Variants in NR1I2 observed in about 807,000 individuals in gnomAD.
NR1I2 encodes nuclear receptor subfamily 1 group I member 2, also known as orphan nuclear receptor PAR1.
A neutral mutation model predicts 43.3 loss-of-function variants in NR1I2; 42 were observed. The observed-to-expected ratio is 0.97, with a 90% CI of 0.76 to 1.26. The LOEUF (loss-of-function observed/expected upper bound fraction) is 1.26, where lower values mean the gene tolerates loss of function less well. NR1I2 is among the 50% of genes most tolerant of loss of function. The probability of loss-of-function intolerance (pLI) is 0.00; values close to 1 mark genes in which losing one functional copy is unlikely to be tolerated. For synonymous variants in NR1I2, 229 were observed against 215.0 expected (o/e 1.06, Z -0.57); for missense variants, 559 against 566.7 (o/e 0.99, Z 0.14).
In NR1I2 at chr3:119,812,772, C is replaced by T. The variant is rs1327137748; in HGVS notation, c.606C>T (p.Val202=). 3 of 1,614,080 alleles carry T rather than the reference C, an allele frequency of 1.9e-6. No homozygotes were observed. The highest frequency in any genetic ancestry group is 1.3e-5 in the African/African-American group (1 of 74,928). Residue 202 remains valine (V), a synonymous_variant, in exon 5 of 9, where the codon GTC becomes GTT. Transcript: ENST00000393716. The stretch of plus-strand genomic sequence containing the variant: ...AAGAAGCTGCCAAGTGGAGCCAGGT[C>T]CGGAAAGATCTGTGCTCTTTGAAGG...
chr3:119,796,452 T>G (rs1408701470), intron 1 of NR1I2, among the ~76,000 whole-genome samples: 32 of 152,200 alleles, frequency 2.1e-4, no homozygotes, highest in Non-Finnish European at 2.9e-5. Context: ...CAATGCTGCT[T>G]CGCATCCCTT....
Position 119,792,574 on chromosome 3 carries a change from T to A in NR1I2, c.-23+10274T>A. 5.1e-6 allele frequency: 4 copies of A among 783,292 alleles called. No individual in the cohort carries two copies. The Admixed American group carries it at 8.4e-5, about 16-fold the overall frequency. The allele number at this position is 783,292 out of a possible 1,614,324, so 48.5% of individuals were successfully genotyped here. On this transcript the variant is annotated intron_variant, in intron 1 of 8. Transcript: ENST00000393716. ...AGTGAGGGCCCACCCTGCCTGCACC[T>A]CCATGGGCCAACTAGGCCACAGCCC... is the stretch of plus-strand genomic sequence containing the variant.
chr3:119,811,751 G>T (rs201570634), intron 4 of NR1I2, 25 bp downstream of exon 4: 20 of 1,576,800 alleles, frequency 1.3e-5, no homozygotes, highest in Admixed American at 1.1e-4. Context: ...ACAGTGACCC[G>T]AGGTGTCACT....
chr3:119,801,436 A>T (rs2055079740), intron 1 of NR1I2, among the ~76,000 whole-genome samples: 1 of 152,216 alleles, frequency 6.6e-6, no homozygotes, highest in Non-Finnish European at 1.5e-5. Context: ...CTAAATTTGC[A>T]TGAAAGAGAG....
intron 6 of NR1I2, 92 bp downstream of exon 6, chr3:119,815,213 G>T: frequency 6.3e-7 from 1 of 1,589,238 alleles, no homozygotes; most frequent in Non-Finnish European, 8.6e-7. Context: ...CAGGTTCTGG[G>T]ATGGCAGGGC....
Position 119,810,128 on chromosome 3 carries a change from A to G in NR1I2, c.265A>G (p.Lys89Glu). 3 of 1,613,448 alleles carry G rather than the reference A, an allele frequency of 1.9e-6. No homozygotes were observed. Among genetic ancestry groups the G allele is most frequent in the Non-Finnish European group, 2.5e-6 (3 of 1,179,854 alleles). The change falls in exon 3 of 9, where the codon AAG (lysine) becomes GAG (glutamate). Residue 89 changes from lysine (K) to glutamate (E), a missense_variant. By Grantham distance (56) the Lys-to-Glu change is moderately conservative. Around this residue, in one of 3 missense-constraint regions of NR1I2, gnomAD observed 232 missense variants for 236.6 expected, o/e 0.98. Coordinates refer to ENST00000393716, the MANE Select transcript of NR1I2 (RefSeq NM_003889.4). ...GAAGGGCGCCTGCGAGATCACCCGGAAGACCCGGCGACAGTGCCAGGCCTG... is the reference window on the plus strand; with the variant it reads ...GAAGGGCGCCTGCGAGATCACCCGGGAGACCCGGCGACAGTGCCAGGCCTG...
At chr3:119,802,891 AGTGCC>A in intron 1 of NR1I2, 1 of 456,706 alleles carries the variant, frequency 2.2e-6, no homozygotes, top group African/African-American at 2.0e-5. Context: ...GGAATAAATG[AGTGCC>A]ATGTTCTGAA....
chr3:119,812,148 C>G (rs1317325183), intron 4 of NR1I2, among the ~76,000 whole-genome samples: 1 of 151,850 alleles, frequency 6.6e-6, no homozygotes, highest in Non-Finnish European at 1.5e-5. Context: ...TTTATGAGGA[C>G]AGGATCAGGA....
chr3:119,787,961 C>T (rs1253876923), intron 1 of NR1I2, among the ~76,000 whole-genome samples: 2 of 151,786 alleles, frequency 1.3e-5, no homozygotes, highest in African/African-American at 2.4e-5. Flanking sequence ...TTCAAGTTGC[C>T]CACTCTTCTC....
intron 3 of NR1I2, 42 bp from the exon 4 acceptor site, chr3:119,811,497 C>A (rs778713136): frequency 1.9e-6 from 3 of 1,571,526 alleles, no homozygotes; most frequent in South Asian, 2.3e-5. Context: ...TGGAGGCTCA[C>A]CAGGGGCACG....
chr3:119,786,349 G>A (rs2054842852), intron 1 of NR1I2, among the ~76,000 whole-genome samples: 1 of 152,062 alleles, frequency 6.6e-6, no homozygotes, highest in African/African-American at 2.4e-5. Flanking sequence ...CTTTTTAGGT[G>A]GCACAATTTG....
intron 8 of NR1I2, among the ~76,000 whole-genome samples, chr3:119,816,530 A>G (rs1451797203): frequency 6.6e-6 from 1 of 152,190 alleles, no homozygotes; most frequent in East Asian, 1.9e-4. Context: ...ACAAAGATGC[A>G]ACTCCCGCAG....
chr3:119,782,222 C>T lies in NR1I2; in HGVS notation c.-101C>T, dbSNP rs769826717. 9 of 156,032 alleles carry T rather than the reference C, an allele frequency of 5.8e-5. No homozygotes were observed. The highest frequency in any genetic ancestry group is 1.0e-4 in the Non-Finnish European group (7 of 70,210). The allele number at this position is 156,032 out of a possible 1,614,324, so 9.7% of individuals were successfully genotyped here. ...CAGCGGCTCCTTGGTAAAGCTACTC[C>T]TTGATCGATCCTTTGCACCGGATTG... On this transcript the variant is annotated 5_prime_UTR_variant, in exon 1 of 9. Transcript: ENST00000393716.
chr3:119,806,579 C>A (rs1459287556), intron 1 of NR1I2, among the ~76,000 whole-genome samples: 1 of 152,202 alleles, frequency 6.6e-6, no homozygotes, highest in Non-Finnish European at 1.5e-5. Context: ...AGCCACCATG[C>A]TTAGCTACAG....
Position 119,815,065 on chromosome 3 carries a change from C to G in NR1I2, c.881C>G (p.Ala294Gly), listed in dbSNP as rs201179068. 8 of 1,614,004 alleles carry G rather than the reference C, an allele frequency of 5.0e-6. No homozygotes were observed. In the African/African-American group the frequency reaches 5.3e-5, roughly 11 times the overall value. The change falls in exon 6 of 9, where the codon GCG (alanine) becomes GGG (glycine). Residue 294 changes from alanine to glycine, a missense_variant. By Grantham distance (60) the Ala-to-Gly change is moderately conservative (BLOSUM62 0). Coordinates refer to ENST00000393716, the MANE Select transcript of NR1I2 (RefSeq NM_003889.4). ...CTGAGATTCAACACAGTGTTCAACG[C>G]GGAGACTGGAACCTGGGAGTGTGGC...
At chr3:119,793,147 T>C (rs1165385297) in intron 1 of NR1I2, among the ~76,000 whole-genome samples, 1 of 152,200 alleles carries the variant, frequency 6.6e-6, no homozygotes, top group Non-Finnish European at 1.5e-5. Flanking sequence ...CAGAAGCAGA[T>C]GCTGGTGCCA....
intron 1 of NR1I2, among the ~76,000 whole-genome samples, chr3:119,789,502 G>T (rs147179976): frequency 1.3e-5 from 2 of 152,134 alleles, no homozygotes; most frequent in Non-Finnish European, 2.9e-5. Flanking sequence ...CTTATTCACT[G>T]CCATGAGAAC....
chr3:119,817,505 G>C lies in NR1I2; in HGVS notation c.*293G>C. 7.8e-7 allele frequency: 1 copy of C among 1,275,456 alleles called. No homozygotes were observed. Among genetic ancestry groups the C allele is most frequent in the Non-Finnish European group, 1.0e-6 (1 of 997,942 alleles). The allele number at this position is 1,275,456 out of a possible 1,614,324, so 79.0% of individuals were successfully genotyped here. ...GCAAGGTTGCCCTTTCCTTTTAAAA[G>C]GCCCTGTGGTCTGGGGAGAAATCCC... is the stretch of plus-strand genomic sequence containing the variant. On this transcript the variant is annotated 3_prime_UTR_variant, in exon 9 of 9. Transcript: ENST00000393716.
At position 119,817,330 on chromosome 3, in the gene NR1I2, TC is replaced by T. The variant is rs2055345342; in HGVS notation, c.*119del. On this transcript the variant is annotated 3_prime_UTR_variant, in exon 9 of 9. Coordinates refer to ENST00000393716, the MANE Select transcript of NR1I2 (RefSeq NM_003889.4). The stretch of plus-strand genomic sequence containing the variant: ...GAGCCGACAATGCCCTGCTGGCCTG[TC>T]TCCCTAGGGAATTCCTGCTATGACA... The T allele has an allele frequency of 6.3e-7, 1 of 1,579,528 alleles. No individual in the cohort carries two copies. The highest frequency in any genetic ancestry group is 8.6e-7 in the Non-Finnish European group (1 of 1,168,636).
Sources: allele counts gnomAD v4.1 joint callset (sites outside exome capture counted in the v4.1 genomes callset), GRCh38; gene constraint gnomAD v4.1.1; regional missense constraint gnomAD v4.1.1; transcripts MANE v1.5; gene names NCBI Gene and HGNC (gene_info 2026-07-23, HGNC 2026-07-21).